The following DENND2C variants were observed in gnomAD, a reference collection of about 807,000 sequenced individuals.
The protein encoded by DENND2C is DENN domain containing 2C.
In DENND2C, 72 loss-of-function variants were observed where a neutral mutation model predicts 112.4. The ratio of observed to expected loss-of-function variants is 0.64; its 90% CI spans 0.53 to 0.78. The LOEUF is 0.78. Ranked by LOEUF, DENND2C falls within the 30% of genes least tolerant of loss-of-function variation. The pLI is 0.00. For missense variants in DENND2C, 992 were observed against 1,113.8 expected (o/e 0.89, Z 1.56); for synonymous variants, 329 against 381.6 (o/e 0.86, Z 1.61).
At chr1:114,613,049 G>A (rs534712796) in intron 8 of DENND2C, among the ~76,000 whole-genome samples, 1 of 152,276 alleles carries the variant, frequency 6.6e-6, no homozygotes, top group African/African-American at 2.4e-5. Context: ...ATAAGTAAAA[G>A]ATGCATTTGC....
chr1:114,646,536 G>A (rs185811381), intron 2 of DENND2C, among the ~76,000 whole-genome samples: 9 of 152,218 alleles, frequency 5.9e-5, no homozygotes, highest in Admixed American at 5.9e-4. Flanking sequence ...CATATGAACT[G>A]CTCTATGTTG....
chr1:114,638,762 C>CAAAAA (rs35740017), intron 3 of DENND2C, among the ~76,000 whole-genome samples: 2 of 84,164 alleles, frequency 2.4e-5, no homozygotes, highest in Admixed American at 1.5e-4. Context: ...GACCTTGTCT[C>CAAAAA]AAAAAAAAAA....
rs566323379 is a variant in DENND2C, at chr1:114,648,058, T to C, written c.-316-2499A>G. 2.1e-3 allele frequency among the ~76,000 whole-genome samples: 320 copies of C among 152,370 alleles called. 2 individuals carry two copies. The highest frequency in any genetic ancestry group is 7.1e-3 in the African/African-American group (296 of 41,592). On this transcript the variant is annotated intron_variant, in intron 2 of 20. Coordinates refer to ENST00000393274, the MANE Select transcript of DENND2C (RefSeq NM_001256404.2). ...CCTGACCTCAGGTGATCCACCCGCC[T>C]TGGCCTCCCAAAGTGCTGGGATTAC...
chr1:114,655,000 C>T (rs895305914), intron 1 of DENND2C, among the ~76,000 whole-genome samples: 1 of 152,102 alleles, frequency 6.6e-6, no homozygotes, highest in Non-Finnish European at 1.5e-5. Context: ...GCTTATTGAC[C>T]AGGACTTAAG....
chr1:114,649,506 C>T (rs978177386), intron 2 of DENND2C, among the ~76,000 whole-genome samples: 2 of 152,086 alleles, frequency 1.3e-5, no homozygotes, highest in Non-Finnish European at 2.9e-5. Flanking sequence ...TCCCAAGTAG[C>T]TGGGAATACA....
chr1:114,598,750 C>G (rs775094622), intron 16 of DENND2C, among the ~76,000 whole-genome samples: 1 of 152,154 alleles, frequency 6.6e-6, no homozygotes, highest in Non-Finnish European at 1.5e-5. Context: ...GGCATGATCT[C>G]GGCTCACTGC....
intron 7 of DENND2C, 116 bp from the exon 8 acceptor site, chr1:114,618,598 A>G: frequency 1.9e-6 from 1 of 527,238 alleles, no homozygotes; most frequent in Non-Finnish European, 3.1e-6. Flanking sequence ...TATAAATAGA[A>G]ACCTTTACCT....
At chr1:114,654,839 G>A (rs139535722) in intron 1 of DENND2C, 78 bp from the exon 2 acceptor site, 6 of 151,168 alleles carry the variant, frequency 4.0e-5, no homozygotes, top group Non-Finnish European at 7.4e-5. Flanking sequence ...TTTCTGCTAT[G>A]CCACCCTCAA....
intron 16 of DENND2C, among the ~76,000 whole-genome samples, chr1:114,597,032 G>A (rs539695716): frequency 6.6e-6 from 1 of 152,118 alleles, no homozygotes; most frequent in South Asian, 2.1e-4. Flanking sequence ...CATCTATAAC[G>A]AAAAAGATTG....
intron 3 of DENND2C, among the ~76,000 whole-genome samples, chr1:114,628,613 T>G (rs1270918017): frequency 6.6e-6 from 1 of 152,272 alleles, no homozygotes; most frequent in Non-Finnish European, 1.5e-5. Flanking sequence ...AGAGCTGATT[T>G]CACAGTCCCA....
In DENND2C at chr1:114,587,809, G is replaced by A. The variant is rs1655081237; in HGVS notation, c.2575C>T (p.Arg859Ter). Residue 859 changes from arginine (R) to a stop codon, truncating the protein, a stop_gained, in exon 19 of 21, where the codon CGA (arginine) becomes TGA (stop). Transcript: ENST00000393274. LOFTEE classifies it high-confidence loss of function. ...REPFRKSHTSRSVRHFLDLFM... is the reference protein window; with the variant it reads ...REPFRKSHTS ...AGATCCAGGAAGTGGCGTACACTTC[G>A]GGAGGTGTGGGACTTACGGAATGGT... 5.6e-6 allele frequency: 9 copies of A among 1,614,002 alleles called. No individual in the cohort carries two copies. The South Asian group carries it at 7.7e-5, about 14-fold the overall frequency.
At chr1:114,589,706 ATTTC>A (rs1043470397) in intron 18 of DENND2C, among the ~76,000 whole-genome samples, 13 of 150,868 alleles carry the variant, frequency 8.6e-5, no homozygotes, top group Non-Finnish European at 1.6e-4. Context: ...CTACATCTTA[ATTTC>A]TTTCTTTTAA....
chr1:114,622,260 C>T (rs1002065927), intron 6 of DENND2C, among the ~76,000 whole-genome samples, 195 bp from the exon 7 acceptor site: 29 of 151,938 alleles, frequency 1.9e-4, no homozygotes, highest in Non-Finnish European at 1.3e-4. Context: ...ACTACAGGCA[C>T]GTGTCACCAC....
Position 114,625,689 on chromosome 1 carries a change from T to C in DENND2C, c.296A>G (p.Lys99Arg). The C allele has an allele frequency of 6.2e-7, 1 of 1,614,092 alleles. No homozygotes were observed. The highest frequency in any genetic ancestry group is 8.5e-7 in the Non-Finnish European group (1 of 1,180,010). The change falls in exon 4 of 21, where the codon AAA (lysine) becomes AGA (arginine). Residue 99 changes from lysine (K) to arginine (R), a missense_variant. By Grantham distance (26) the Lys-to-Arg change is conservative. Coordinates refer to ENST00000393274, the MANE Select transcript of DENND2C (RefSeq NM_001256404.2). ...SHDQSENENK[K>R]HEYDDTHFFK... is the part of the protein sequence containing the mutation. ...GAAGTGTGTATCGTCATATTCATGT[T>C]TCTTATTTTCATTCTCACTTTGATC...
intron 4 of DENND2C, 37 bp from the exon 5 acceptor site, chr1:114,623,680 C>T (rs1367036646): frequency 1.5e-5 from 21 of 1,424,620 alleles, no homozygotes; most frequent in African/African-American, 3.0e-5. Context: ...TTATATCTTT[C>T]AAAACTCTAA....
chr1:114,653,034 A>AGGTGCAAAATCCAT (rs1553237934), intron 2 of DENND2C, among the ~76,000 whole-genome samples: 3 of 152,156 alleles, frequency 2.0e-5, no homozygotes, highest in Admixed American at 2.0e-4. Context: ...TTGTATCCAC[A>AGGTGCAAAATCCAT]GGTGCAAAAT....
intron 3 of DENND2C, among the ~76,000 whole-genome samples, chr1:114,627,344 C>T (rs1359036787): frequency 6.6e-6 from 1 of 152,172 alleles, no homozygotes; most frequent in Non-Finnish European, 1.5e-5. Context: ...AGGCAGGGAT[C>T]ATCCTTCCTT....
chr1:114,626,212 G>A, intron 3 of DENND2C, 24 bp from the exon 4 acceptor site: 1 of 437,368 alleles, frequency 2.3e-6, no homozygotes, highest in East Asian at 3.6e-5. Context: ...ACAAAAATAT[G>A]TTAACACATT....
intron 11 of DENND2C, among the ~76,000 whole-genome samples, chr1:114,603,142 A>AT (rs56355932): frequency 1.8e-4 from 26 of 146,710 alleles, no homozygotes; most frequent in East Asian, 6.0e-4. Flanking sequence ...AAATAAGTCC[A>AT]TTTTTTTTTT....
Sources: gnomAD v4.1 joint callset for allele counts (sites outside exome capture counted in the v4.1 genomes callset) on GRCh38, gnomAD v4.1.1 for gene constraint, MANE v1.5 for transcripts, NCBI Gene and HGNC (gene_info 2026-07-23, HGNC 2026-07-21) for gene names.